Variants in ABCC9 observed in about 807,000 individuals in gnomAD.
ABCC9 encodes the protein ATP-binding cassette sub-family C member 9.
In ABCC9, 95 loss-of-function variants were observed where a neutral mutation model predicts 188.3. The observed-to-expected ratio is 0.50, with a 90% confidence interval of 0.43 to 0.60. The LOEUF (loss-of-function observed/expected upper bound fraction) is 0.60. Among genes scored for constraint, ABCC9 ranks in the 20% least tolerant of loss-of-function variants. The pLI is 0.00. For missense variants in ABCC9, 1,102 were observed against 1,876.3 expected (o/e 0.59, Z 7.62); for synonymous variants, 659 against 652.7 (o/e 1.01, Z -0.15).
intron 12 of ABCC9, among the ~76,000 whole-genome samples, chr12:21,902,680 C>G (rs1024139732): frequency 3.3e-5 from 5 of 152,016 alleles, no homozygotes; most frequent in African/African-American, 1.2e-4. Context: ...TGCAAATAAA[C>G]AGAAAATCTA....
chr12:21,807,293 T>G (rs1941924090), intron 38 of ABCC9, 53 bp downstream of exon 38: 1 of 1,612,210 alleles, frequency 6.2e-7, no homozygotes, highest in Non-Finnish European at 8.5e-7. Context: ...ATTGTAATTT[T>G]CATGCACATT....
At chr12:21,812,860 T>G (rs1591953320) in intron 35 of ABCC9, among the ~76,000 whole-genome samples, 1 of 152,088 alleles carries the variant, frequency 6.6e-6, no homozygotes, top group African/African-American at 2.4e-5. Flanking sequence ...AAAAAAAATC[T>G]TGTGTCTCTA....
intron 22 of ABCC9, among the ~76,000 whole-genome samples, chr12:21,856,490 G>A (rs1222640808): frequency 8.4e-6 from 1 of 119,498 alleles, no homozygotes; most frequent in African/African-American, 3.2e-5. Context: ...ATTTGCAGAT[G>A]CAATGAAGTT....
At chr12:21,801,482 G>A (rs985464933) in intron 39 of ABCC9, among the ~76,000 whole-genome samples, 5 of 152,040 alleles carry the variant, frequency 3.3e-5, no homozygotes, top group East Asian at 1.9e-4. Flanking sequence ...ATTGTTTATC[G>A]AGTAATTAAA....
intron 29 of ABCC9, among the ~76,000 whole-genome samples, chr12:21,839,102 G>A (rs1287772454): frequency 6.6e-6 from 1 of 152,176 alleles, no homozygotes; most frequent in Non-Finnish European, 1.5e-5. Flanking sequence ...ACAATGTACA[G>A]GATGAAAGAG....
At chr12:21,899,900 C>T (rs1428366506) in intron 12 of ABCC9, among the ~76,000 whole-genome samples, 1 of 152,172 alleles carries the variant, frequency 6.6e-6, no homozygotes, top group Non-Finnish European at 1.5e-5. Context: ...CATAGCCAAA[C>T]AAAAGGCAGA....
intron 16 of ABCC9, among the ~76,000 whole-genome samples, chr12:21,881,797 T>C (rs1362480770): frequency 6.6e-6 from 1 of 152,186 alleles, no homozygotes; most frequent in Non-Finnish European, 1.5e-5. Flanking sequence ...TAGAGCTCTC[T>C]TTAAAATTCA....
rs781684241 is a variant in ABCC9 at position 21,894,061 on chromosome 12, C to G, written c.1773G>C (p.Val591=). 4 of 1,613,862 alleles carry G rather than the reference C, an allele frequency of 2.5e-6. No homozygotes were observed. In the African/African-American group the frequency reaches 5.3e-5, roughly 22 times the overall value. ...LVTPLFLLST[V]VRFAVKAIIS... is the part of the protein sequence containing the mutation. Reference sequence around the variant, plus strand: ...TGATGGCTTTGACTGCAAATCTGACCACCGTGGAGAGCAGGAACAGTGGTG... The same window carrying G: ...TGATGGCTTTGACTGCAAATCTGACGACCGTGGAGAGCAGGAACAGTGGTG... Residue 591 remains valine (V), a synonymous_variant, in exon 14 of 40, where the codon GTG becomes GTC. Transcript: ENST00000261200.
chr12:21,886,067 A>C (rs989185165), intron 15 of ABCC9, among the ~76,000 whole-genome samples: 3 of 152,126 alleles, frequency 2.0e-5, no homozygotes, highest in African/African-American at 7.2e-5. Context: ...CTACTTTGTG[A>C]AATATATTAA....
intron 31 of ABCC9, among the ~76,000 whole-genome samples, chr12:21,823,532 T>C (rs369604786): frequency 9.9e-5 from 15 of 152,222 alleles, no homozygotes; most frequent in Non-Finnish European, 1.6e-4. Flanking sequence ...TAGACTCTTG[T>C]GCAAGCTCAC....
intron 36 of ABCC9, among the ~76,000 whole-genome samples, chr12:21,810,947 A>C (rs896019602): frequency 5.3e-5 from 8 of 152,174 alleles, no homozygotes; most frequent in African/African-American, 1.7e-4. Flanking sequence ...GGTTAGGAGC[A>C]AAATAGAACA....
chr12:21,901,758 C>T (rs1174827048), intron 12 of ABCC9, among the ~76,000 whole-genome samples: 1 of 152,160 alleles, frequency 6.6e-6, no homozygotes, highest in African/African-American at 2.4e-5. Flanking sequence ...AGCTAACTAT[C>T]CTAAATATAT....
chr12:21,847,916 T>G (rs1944766199), intron 25 of ABCC9, among the ~76,000 whole-genome samples: 1 of 152,190 alleles, frequency 6.6e-6, no homozygotes, highest in Non-Finnish European at 1.5e-5. Context: ...TTCAAGTCTT[T>G]CTCACACATA....
At chr12:21,829,191 CTTT>C (rs11430045) in intron 30 of ABCC9, 131 bp from the exon 31 acceptor site, 2,422 of 227,682 alleles carry the variant, frequency 0.011, 2 homozygotes, top group South Asian at 0.016. Context: ...AAATAGATTT[CTTT>C]TTTTTTTTTT....
At position 21,828,958 on chromosome 12, in the gene ABCC9, C is replaced by G; in HGVS notation, c.3669G>C (p.Thr1223=). The G allele has an allele frequency of 6.2e-7, 1 of 1,612,384 alleles. No individual in the cohort carries two copies. The highest frequency in any genetic ancestry group is 8.5e-7 in the Non-Finnish European group (1 of 1,178,516). The change falls in exon 31 of 40, where the codon ACG becomes ACC. Residue 1223 remains threonine, a splice_region_variant and synonymous_variant. Coordinates refer to ENST00000261200, the MANE Select transcript of ABCC9 (RefSeq NM_020297.4). ...TTTCGAAATCATGAAATGAACGTACCGTCCTGACCTCCAGCCATCTGTTGG... is the reference window on the plus strand; with the variant it reads ...TTTCGAAATCATGAAATGAACGTACGGTCCTGACCTCCAGCCATCTGTTGG... ...SAANRWLEVR[T]DYLGACIVLT... is the part of the protein sequence containing the mutation.
chr12:21,812,944 G>A (rs998857355), intron 35 of ABCC9, among the ~76,000 whole-genome samples: 1 of 151,994 alleles, frequency 6.6e-6, no homozygotes, highest in Admixed American at 6.6e-5. Context: ...TTTTTATTCT[G>A]TTTATGTGAT....
Position 21,818,458 on chromosome 12 carries a change from ATATATC to A in ABCC9, c.3670-213_3670-208del, listed in dbSNP as rs112311983. Among the ~76,000 whole-genome samples the A allele has an allele frequency of 0.16, 23,496 of 147,104 alleles. 2,045 individuals carry two copies. The highest frequency in any genetic ancestry group is 0.3 in the Middle Eastern group (83 of 274). On this transcript the variant is annotated intron_variant, in intron 31 of 39. Coordinates refer to ENST00000261200, the MANE Select transcript of ABCC9 (RefSeq NM_020297.4). ...GAGAGTGAGTCCATGCTCTCACTATATATATCTATATCTATATCTATATCTATCTAT... is the reference window on the plus strand; with the variant it reads ...GAGAGTGAGTCCATGCTCTCACTATATATATCTATATCTATATCTATCTAT...
chr12:21,870,388 C>G (rs1565761967), intron 18 of ABCC9, among the ~76,000 whole-genome samples: 1 of 151,982 alleles, frequency 6.6e-6, no homozygotes, highest in Non-Finnish European at 1.5e-5. Flanking sequence ...TCTCAAGTAA[C>G]TAGGACTACA....
intron 5 of ABCC9, among the ~76,000 whole-genome samples, chr12:21,922,499 T>C (rs1948864670): frequency 6.6e-6 from 1 of 151,666 alleles, no homozygotes; most frequent in African/African-American, 2.4e-5. Flanking sequence ...GAAGAAACAA[T>C]TGAAAATGAA....
Sources: allele counts gnomAD v4.1 joint callset (sites outside exome capture counted in the v4.1 genomes callset), GRCh38; gene constraint gnomAD v4.1.1; transcripts MANE v1.5; gene names NCBI Gene and HGNC (gene_info 2026-07-23, HGNC 2026-07-21).